Variants in NALF1 observed in about 807,000 individuals in gnomAD.
The protein encoded by NALF1 is NALCN channel auxiliary factor 1.
A neutral mutation model predicts 48.4 loss-of-function variants in NALF1; 3 were observed. That is an observed-to-expected ratio of 0.06 (90% CI 0.03 to 0.16). NALF1 has a LOEUF of 0.16. Among genes scored for constraint, NALF1 ranks in the 10% least tolerant of loss-of-function variants. The probability of loss-of-function intolerance (pLI) is 1.00; values close to 1 mark genes in which losing one functional copy is unlikely to be tolerated. For missense variants in NALF1, 526 were observed against 571.5 expected, an observed-to-expected ratio of 0.92 and a Z score of 0.81; for synonymous variants, 262 against 245.7, an observed-to-expected ratio of 1.07 and a Z score of -0.62.
At chr13:107,721,014 G>A (rs571121431) in intron 1 of NALF1, among the ~76,000 whole-genome samples, 6 of 152,052 alleles carry the variant, frequency 3.9e-5, no homozygotes, top group East Asian at 3.9e-4. Flanking sequence ...TGTGGGCATC[G>A]TGGATATCAC....
At chr13:107,353,904 A>C (rs968367344) in intron 1 of NALF1, among the ~76,000 whole-genome samples, 29 of 152,344 alleles carry the variant, frequency 1.9e-4, no homozygotes, top group African/African-American at 5.8e-4. Context: ...GAAGACTGGA[A>C]ATAGCATTGA....
At chr13:107,373,998 A>G (rs1445137703) in intron 1 of NALF1, among the ~76,000 whole-genome samples, 3 of 152,244 alleles carry the variant, frequency 2.0e-5, no homozygotes, top group South Asian at 2.1e-4. Context: ...AAGCAAAAAT[A>G]AAAACATTTG....
chr13:107,612,804 G>C (rs1334778962), intron 1 of NALF1, among the ~76,000 whole-genome samples: 2 of 151,964 alleles, frequency 1.3e-5, no homozygotes, highest in Non-Finnish European at 2.9e-5. Flanking sequence ...CAGATTTTGG[G>C]ACTTCTCTTC....
chr13:107,846,227 A>G (rs1032910121), intron 1 of NALF1, among the ~76,000 whole-genome samples: 1 of 152,136 alleles, frequency 6.6e-6, no homozygotes, highest in Non-Finnish European at 1.5e-5. Flanking sequence ...AAAACAGAGT[A>G]TGGCCCTGTG....
At chr13:107,668,683 A>G (rs761879150) in intron 1 of NALF1, among the ~76,000 whole-genome samples, 15 of 151,980 alleles carry the variant, frequency 9.9e-5, no homozygotes, top group Non-Finnish European at 2.1e-4. Flanking sequence ...CTCAGGAGCA[A>G]CTCTGTCCTA....
At chr13:107,704,580 T>A (rs1881902982) in intron 1 of NALF1, among the ~76,000 whole-genome samples, 1 of 152,260 alleles carries the variant, frequency 6.6e-6, no homozygotes, top group East Asian at 1.9e-4. Flanking sequence ...TGAGCCAGTT[T>A]TATACAGTGT....
intron 1 of NALF1, among the ~76,000 whole-genome samples, chr13:107,682,333 T>C (rs1382027133): frequency 1.3e-5 from 2 of 152,204 alleles, no homozygotes; most frequent in Non-Finnish European, 1.5e-5. Context: ...CTGCTTGCTC[T>C]CTGGCCCGCC....
chr13:107,741,892 G>A (rs547979519), intron 1 of NALF1, among the ~76,000 whole-genome samples: 12 of 152,292 alleles, frequency 7.9e-5, no homozygotes, highest in African/African-American at 1.7e-4. Context: ...AGACATGGAC[G>A]TGGATAGCTA....
intron 1 of NALF1, among the ~76,000 whole-genome samples, chr13:107,256,996 A>G (rs554015793): frequency 5.3e-5 from 8 of 152,242 alleles, no homozygotes; most frequent in Admixed American, 5.2e-4. Context: ...GGTTTAATTG[A>G]CTCACCATTC....
intron 1 of NALF1, among the ~76,000 whole-genome samples, chr13:107,735,537 T>C (rs538604792): frequency 2.0e-5 from 3 of 152,300 alleles, no homozygotes; most frequent in Non-Finnish European, 1.5e-5. Context: ...TATGTTTAAT[T>C]TCTCTCTTCT....
intron 1 of NALF1, among the ~76,000 whole-genome samples, chr13:107,625,354 C>T (rs1353222635): frequency 6.6e-6 from 1 of 152,086 alleles, no homozygotes; most frequent in Non-Finnish European, 1.5e-5. Flanking sequence ...CAGAAAACAG[C>T]ACAAAGAGAT....
At chr13:107,623,915 G>T (rs868680838) in intron 1 of NALF1, among the ~76,000 whole-genome samples, 63 of 152,174 alleles carry the variant, frequency 4.1e-4, no homozygotes, top group Admixed American at 8.5e-4. Context: ...AAAGCATTTT[G>T]CAGCAAGACA....
intron 2 of NALF1, among the ~76,000 whole-genome samples, chr13:107,205,152 C>T (rs1399295342): frequency 6.6e-6 from 1 of 151,932 alleles, no homozygotes; most frequent in African/African-American, 2.4e-5. Context: ...GCTATCCCTC[C>T]CCCTTTCCCC....
At chr13:107,482,374 G>T (rs1262792429) in intron 1 of NALF1, among the ~76,000 whole-genome samples, 5 of 152,100 alleles carry the variant, frequency 3.3e-5, no homozygotes, top group African/African-American at 1.2e-4. Flanking sequence ...TATTGGTTAT[G>T]TGTCTCCAGA....
chr13:107,761,947 A>G (rs1332754697), intron 1 of NALF1, among the ~76,000 whole-genome samples: 2 of 152,220 alleles, frequency 1.3e-5, no homozygotes, highest in Non-Finnish European at 2.9e-5. Flanking sequence ...CCACTACATA[A>G]TAAGTGCTAT....
At chr13:107,832,027 C>A (rs1879748423) in intron 1 of NALF1, among the ~76,000 whole-genome samples, 1 of 152,054 alleles carries the variant, frequency 6.6e-6, no homozygotes, top group Admixed American at 6.6e-5. Flanking sequence ...TTCATGAAGT[C>A]CATATTGTCC....
chr13:107,196,788 C>A (rs184591676), intron 2 of NALF1, among the ~76,000 whole-genome samples: 2 of 151,932 alleles, frequency 1.3e-5, no homozygotes, highest in African/African-American at 2.4e-5. Context: ...CTAATAATAG[C>A]GTATTGTATT....
At chr13:107,656,227 A>G (rs1180878031) in intron 1 of NALF1, among the ~76,000 whole-genome samples, 1 of 152,100 alleles carries the variant, frequency 6.6e-6, no homozygotes, top group Non-Finnish European at 1.5e-5. Context: ...ACAGGACCAC[A>G]GAGTGGGAAA....
At position 107,169,847 on chromosome 13, in the gene NALF1, G is replaced by A. The variant is rs1437800869; in HGVS notation, c.*650C>T. Reference sequence around the variant, plus strand: ...ACTGTGGTTACACAGACAGAAGCAAGCGGATGTTGTTTGCTTAGGGGACGA... The same window carrying A: ...ACTGTGGTTACACAGACAGAAGCAAACGGATGTTGTTTGCTTAGGGGACGA... On this transcript the variant is annotated 3_prime_UTR_variant, in exon 3 of 3. Coordinates refer to ENST00000375915, the MANE Select transcript of NALF1 (RefSeq NM_001080396.3). 6.5e-6 allele frequency: 1 copy of A among 152,758 alleles called. No homozygotes were observed. The highest frequency in any genetic ancestry group is 2.4e-5 in the African/African-American group (1 of 41,460). 9.5% of individuals were successfully genotyped at this position (152,758 alleles called of 1,614,324 possible).
Sources: gnomAD v4.1 joint callset for allele counts (sites outside exome capture counted in the v4.1 genomes callset) on GRCh38, gnomAD v4.1.1 for gene constraint, MANE v1.5 for transcripts, NCBI Gene and HGNC (gene_info 2026-07-23, HGNC 2026-07-21) for gene names.